RIMS2: variants seen among roughly 807,000 people sequenced by gnomAD.
RIMS2 encodes regulating synaptic membrane exocytosis 2.
A neutral mutation model predicts 174.4 loss-of-function variants in RIMS2; 59 were observed. The observed-to-expected ratio is 0.34, with a 90% CI of 0.27 to 0.42. The LOEUF is 0.42. Among genes scored for constraint, RIMS2 ranks in the 10% least tolerant of loss-of-function variants. The pLI, the probability that RIMS2 is intolerant of heterozygous loss-of-function variation, is 1.00. For synonymous variants in RIMS2, 606 were observed against 572.5 expected, an observed-to-expected ratio of 1.06 and a Z score of -0.84; for missense variants, 1,620 against 1,666.3, an observed-to-expected ratio of 0.97 and a Z score of 0.48.
intron 1 of RIMS2, among the ~76,000 whole-genome samples, chr8:103,549,448 C>A (rs1033961821): frequency 6.6e-6 from 1 of 152,134 alleles, no homozygotes; most frequent in African/African-American, 2.4e-5. Context: ...CCAGGCCTAC[C>A]TTACAAGAGC....
chr8:103,844,085 C>T (rs2098955469), intron 3 of RIMS2, among the ~76,000 whole-genome samples: 1 of 152,192 alleles, frequency 6.6e-6, no homozygotes. Flanking sequence ...GTGACTTGCT[C>T]CTCCTTGCCT....
intron 3 of RIMS2, among the ~76,000 whole-genome samples, chr8:103,784,608 G>T (rs2098423566): frequency 1.6e-5 from 1 of 60,966 alleles, no homozygotes; most frequent in East Asian, 4.0e-4. Context: ...TGAGGGCTCT[G>T]TTCTGTTCCA....
chr8:103,561,977 G>A (rs575723296), intron 1 of RIMS2, among the ~76,000 whole-genome samples: 8 of 152,280 alleles, frequency 5.3e-5, no homozygotes, highest in African/African-American at 7.2e-5. Flanking sequence ...AAAATCATTA[G>A]ATCTTGTGAG....
At chr8:103,999,032 G>T (rs1400365856) in intron 17 of RIMS2, among the ~76,000 whole-genome samples, 1 of 151,864 alleles carries the variant, frequency 6.6e-6, no homozygotes, top group African/African-American at 2.4e-5. Flanking sequence ...AGAGATTTGA[G>T]CCAGTGACAA....
At chr8:103,669,729 C>T (rs1304254081) in intron 1 of RIMS2, among the ~76,000 whole-genome samples, 1 of 152,254 alleles carries the variant, frequency 6.6e-6, no homozygotes, top group Admixed American at 6.5e-5. Flanking sequence ...ATCCAGGTCA[C>T]ACTGATGCAA....
chr8:103,530,974 A>T (rs1836779574), intron 1 of RIMS2, among the ~76,000 whole-genome samples: 1 of 151,418 alleles, frequency 6.6e-6, no homozygotes, highest in Non-Finnish European at 1.5e-5. Context: ...TTATACTTTC[A>T]TTAAAAGTTT....
chr8:103,708,956 T>C (rs1320536714), intron 2 of RIMS2, among the ~76,000 whole-genome samples: 1 of 152,158 alleles, frequency 6.6e-6, no homozygotes, highest in African/African-American at 2.4e-5. Context: ...TTATGTTCTT[T>C]CCTTTAATCT....
chr8:103,713,071 T>A (rs2097327016), intron 2 of RIMS2, among the ~76,000 whole-genome samples: 1 of 152,084 alleles, frequency 6.6e-6, no homozygotes. Context: ...CAGGCTATAG[T>A]GCAGTGGTGC....
intron 19 of RIMS2, among the ~76,000 whole-genome samples, chr8:104,161,388 G>A (rs1435172641): frequency 1.3e-5 from 2 of 152,106 alleles, no homozygotes; most frequent in Non-Finnish European, 2.9e-5. Context: ...GAGAGTATTT[G>A]ACACATAGTG....
chr8:103,638,516 C>A (rs910268676), intron 1 of RIMS2, among the ~76,000 whole-genome samples: 4 of 151,916 alleles, frequency 2.6e-5, no homozygotes, highest in Non-Finnish European at 4.4e-5. Flanking sequence ...ATATTTATTT[C>A]TTGAGGGAGC....
At chr8:104,042,112 C>A (rs1202508800) in intron 19 of RIMS2, among the ~76,000 whole-genome samples, 1 of 151,180 alleles carries the variant, frequency 6.6e-6, no homozygotes, top group Non-Finnish European at 1.5e-5. Flanking sequence ...CATGTATATA[C>A]ACACATATAT....
At chr8:103,835,842 T>C (rs1018941215) in intron 3 of RIMS2, among the ~76,000 whole-genome samples, 23 of 152,346 alleles carry the variant, frequency 1.5e-4, no homozygotes, top group African/African-American at 4.8e-4. Context: ...TCAGAGTATA[T>C]TGAGAATATA....
intron 1 of RIMS2, among the ~76,000 whole-genome samples, chr8:103,558,149 A>G (rs943444531): frequency 6.6e-6 from 1 of 152,182 alleles, no homozygotes; most frequent in African/African-American, 2.4e-5. Flanking sequence ...AACTCAAAAA[A>G]CAAAGAAAAA....
chr8:103,645,706 CTT>C (rs2096313196), intron 1 of RIMS2, among the ~76,000 whole-genome samples: 2 of 152,040 alleles, frequency 1.3e-5, no homozygotes, highest in African/African-American at 4.8e-5. Context: ...AATATCCAGT[CTT>C]ATTTCATTTT....
intron 2 of RIMS2, among the ~76,000 whole-genome samples, chr8:103,746,376 A>G (rs1336654196): frequency 6.6e-6 from 1 of 152,178 alleles, no homozygotes; most frequent in Non-Finnish European, 1.5e-5. Flanking sequence ...GGATATCTGA[A>G]TTGTATAAGA....
intron 19 of RIMS2, among the ~76,000 whole-genome samples, chr8:104,196,380 A>G (rs569375876): frequency 1.6e-4 from 25 of 152,200 alleles, no homozygotes; most frequent in African/African-American, 6.0e-4. Context: ...TGTCTTTCCT[A>G]TGTTTAGCTT....
intron 1 of RIMS2, among the ~76,000 whole-genome samples, chr8:103,617,894 A>G (rs74635085): frequency 0.012 from 1,772 of 152,306 alleles, 42 homozygotes; most frequent in African/African-American, 0.04. Context: ...GAAAACTTAT[A>G]AAGTGTTGGT....
intron 17 of RIMS2, among the ~76,000 whole-genome samples, chr8:103,997,291 A>G (rs1238662120): frequency 6.6e-6 from 1 of 151,784 alleles, no homozygotes; most frequent in Non-Finnish European, 1.5e-5. Flanking sequence ...GCAAGGTCAT[A>G]TGGGAAGCAG....
At chr8:103,718,243 A>G (rs1255202744) in intron 2 of RIMS2, among the ~76,000 whole-genome samples, 1 of 150,360 alleles carries the variant, frequency 6.7e-6, no homozygotes, top group Non-Finnish European at 1.5e-5. Context: ...TAGCTCAATC[A>G]GGGGCAGCTA....
Sources: gnomAD v4.1 joint callset for allele counts (sites outside exome capture counted in the v4.1 genomes callset) on GRCh38, gnomAD v4.1.1 for gene constraint, MANE v1.5 for transcripts, NCBI Gene and HGNC (gene_info 2026-07-23, HGNC 2026-07-21) for gene names.